CHN2: variants seen among roughly 807,000 people sequenced by gnomAD.
CHN2 encodes beta-chimaerin.
Under a neutral mutation model 56.3 loss-of-function variants are expected in CHN2, and 35 were observed. That is an observed-to-expected ratio of 0.62 (90% CI 0.47 to 0.82). The LOEUF is 0.82. Ranked by LOEUF, CHN2 falls within the 40% of genes least tolerant of loss-of-function variation. CHN2 has a pLI of 0.00. For missense variants in CHN2, 491 were observed against 580.5 expected (o/e 0.85, Z 1.58); for synonymous variants, 210 against 212.8 (o/e 0.99, Z 0.12).
rs551513136 is a variant in CHN2, at chr7:29,446,613, C to T, written c.577-33666C>T. On this transcript the variant is annotated intron_variant, in intron 6 of 12. Coordinates refer to ENST00000222792, the MANE Select transcript of CHN2 (RefSeq NM_004067.4). ...CTGTGGGTCCAGCAGCTAGAGTTCA[C>T]ACGACCCGGTAAGGAAGATGAGAGA... Among the ~76,000 whole-genome samples, 33 of 152,218 alleles carry T rather than the reference C, an allele frequency of 2.2e-4. No homozygotes were observed. In the South Asian group the frequency reaches 6.7e-3, roughly 31 times the overall value.
intron 6 of CHN2, among the ~76,000 whole-genome samples, chr7:29,422,965 T>A (rs1346344299): frequency 6.6e-6 from 1 of 152,262 alleles, no homozygotes; most frequent in Non-Finnish European, 1.5e-5. Context: ...TAACTTACAC[T>A]GTTACAGCTC....
intron 3 of CHN2, among the ~76,000 whole-genome samples, chr7:29,373,090 A>T (rs1378758163): frequency 2.0e-5 from 3 of 152,002 alleles, no homozygotes; most frequent in Non-Finnish European, 4.4e-5. Flanking sequence ...GCAAAAATGG[A>T]TGGTAGAGAT....
chr7:29,454,196 GA>G (rs900092778), intron 6 of CHN2, among the ~76,000 whole-genome samples: 1 of 151,434 alleles, frequency 6.6e-6, no homozygotes, highest in Non-Finnish European at 1.5e-5. Flanking sequence ...TTAGGGCAAA[GA>G]AAGGGGAGAA....
At position 29,162,593 on chromosome 7, in the gene CHN2, G is replaced by A. The variant is rs180720861; in HGVS notation, c.274+15633G>A. Among the ~76,000 whole-genome samples the A allele has an allele frequency of 9.2e-5, 14 of 151,610 alleles. No individual in the cohort carries two copies. The East Asian group carries it at 1.6e-3, about 17-fold the overall frequency. On this transcript the variant is annotated intron_variant, in intron 2 of 6. Coordinates refer to the CHN2 transcript ENST00000439384. ...GGAGAATCACTTGAACCCGGAAGGC[G>A]GAAGTTGCAGTGAGCCGAGATCGTG...
intron 1 of CHN2, among the ~76,000 whole-genome samples, chr7:29,341,890 C>T (rs2128914167): frequency 6.6e-6 from 1 of 152,288 alleles, no homozygotes; most frequent in African/African-American, 2.4e-5. Flanking sequence ...TGAATTCTAC[C>T]TTTTCACCAA....
At chr7:29,238,606 T>TA (rs1445381727) in intron 1 of CHN2, among the ~76,000 whole-genome samples, 1 of 152,104 alleles carries the variant, frequency 6.6e-6, no homozygotes, top group Non-Finnish European at 1.5e-5. Context: ...AGCTGAGAGT[T>TA]ACAACAACAA....
intron 1 of CHN2, among the ~76,000 whole-genome samples, chr7:29,306,747 C>G (rs1010907896): frequency 6.6e-6 from 1 of 152,160 alleles, no homozygotes; most frequent in Non-Finnish European, 1.5e-5. Context: ...TAAGAATTGC[C>G]GTGAACTCCC....
At chr7:29,259,810 A>AT (rs1789397653) in intron 1 of CHN2, among the ~76,000 whole-genome samples, 1 of 152,196 alleles carries the variant, frequency 6.6e-6, no homozygotes, top group African/African-American at 2.4e-5. Context: ...ATGTATACAT[A>AT]TATCAAATTG....
chr7:29,308,459 TGG>T (rs1392260103), intron 1 of CHN2, among the ~76,000 whole-genome samples: 1 of 31,104 alleles, frequency 3.2e-5, no homozygotes, highest in African/African-American at 3.3e-4. Context: ...GCAAGGTGGT[TGG>T]GGTGTGTGTG....
chr7:29,305,134 T>C (rs9690094), intron 1 of CHN2, among the ~76,000 whole-genome samples: 2,444 of 152,266 alleles, frequency 0.016, 72 homozygotes, highest in African/African-American at 0.055. Flanking sequence ...AGCCAGCGTT[T>C]GCCTGCACAG....
intron 6 of CHN2, among the ~76,000 whole-genome samples, chr7:29,426,321 T>TTAA (rs3047963): frequency 0.76 from 115,711 of 151,508 alleles, 44,615 homozygotes; most frequent in African/African-American, 0.81. Flanking sequence ...TTTTATATGG[T>TTAA]TAATAATAAA....
chr7:29,305,107 A>G (rs191124435), intron 1 of CHN2, among the ~76,000 whole-genome samples: 6 of 152,314 alleles, frequency 3.9e-5, no homozygotes, highest in Admixed American at 3.3e-4. Flanking sequence ...CCAGTGGCCA[A>G]GGAAGGAGCT....
At chr7:29,188,595 G>T (rs1044092219) in intron 2 of CHN2, among the ~76,000 whole-genome samples, 1 of 151,990 alleles carries the variant, frequency 6.6e-6, no homozygotes, top group Non-Finnish European at 1.5e-5. Context: ...TACAGGGAAA[G>T]AAATGAAAAT....
rs1768092326 is a variant in CHN2, at chr7:29,218,413, G to C, written c.49+23423G>C. On this transcript the variant is annotated intron_variant, in intron 1 of 12. Transcript: ENST00000222792. ...AGTGTGGCGATTCCTCAGGGATCTA[G>C]AACTGGAAATACCATTTGACCCAGC... Among the ~76,000 whole-genome samples, 3 of 152,104 alleles carry C rather than the reference G, an allele frequency of 2.0e-5. No homozygotes were observed. In the South Asian group the frequency reaches 6.2e-4, roughly 32 times the overall value.
intron 1 of CHN2, among the ~76,000 whole-genome samples, chr7:29,215,841 C>T (rs39058): frequency 0.46 from 69,765 of 151,842 alleles, 17,487 homozygotes; most frequent in Non-Finnish European, 0.55. Context: ...TTTCTTTTGG[C>T]TTTAAATTAT....
At chr7:29,188,575 G>A (rs1014987308) in intron 2 of CHN2, among the ~76,000 whole-genome samples, 1 of 151,328 alleles carries the variant, frequency 6.6e-6, no homozygotes, top group Admixed American at 6.6e-5. Flanking sequence ...GTTATTGAAC[G>A]TATAGCTGCT....
At chr7:29,362,885 C>G (rs1313063368) in intron 2 of CHN2, among the ~76,000 whole-genome samples, 1 of 152,206 alleles carries the variant, frequency 6.6e-6, no homozygotes, top group Non-Finnish European at 1.5e-5. Context: ...CAGATTGTGA[C>G]CCATGGGCCA....
At chr7:29,457,517 G>C (rs916422558) in intron 6 of CHN2, among the ~76,000 whole-genome samples, 1 of 152,126 alleles carries the variant, frequency 6.6e-6, no homozygotes, top group Non-Finnish European at 1.5e-5. Context: ...AAGTATGTTT[G>C]TTTCCCAGAA....
intron 6 of CHN2, among the ~76,000 whole-genome samples, chr7:29,474,501 C>G (rs1170486193): frequency 6.6e-6 from 1 of 152,100 alleles, no homozygotes; most frequent in East Asian, 1.9e-4. Context: ...CACACAAACA[C>G]CAGTGGGATA....
Sources: gnomAD v4.1 joint callset for allele counts (sites outside exome capture counted in the v4.1 genomes callset) on GRCh38, gnomAD v4.1.1 for gene constraint, MANE v1.5 for transcripts, NCBI Gene and HGNC (gene_info 2026-07-23, HGNC 2026-07-21) for gene names.